ARHGAP24: variants seen among roughly 807,000 people sequenced by gnomAD.
The protein encoded by ARHGAP24 is Rho GTPase activating protein 24.
In ARHGAP24, 50 loss-of-function variants were observed where a neutral mutation model predicts 76.4. That is an observed-to-expected ratio of 0.65 (90% CI 0.52 to 0.83). The LOEUF is 0.83. ARHGAP24 is among the 40% of genes least tolerant of loss of function. The pLI is 0.00. For missense variants in ARHGAP24, 930 were observed against 914.2 expected (o/e 1.02, Z -0.22); for synonymous variants, 345 against 323.3 (o/e 1.07, Z -0.72).
At chr4:85,498,067 A>G (rs1268872927) in intron 1 of ARHGAP24, among the ~76,000 whole-genome samples, 1 of 152,200 alleles carries the variant, frequency 6.6e-6, no homozygotes, top group Non-Finnish European at 1.5e-5. Context: ...ATGCAAGTAA[A>G]ATAAATGCAC....
chr4:85,837,600 C>T (rs1431324089), intron 3 of ARHGAP24, among the ~76,000 whole-genome samples: 1 of 152,100 alleles, frequency 6.6e-6, no homozygotes, highest in Admixed American at 6.6e-5. Flanking sequence ...AGCAAGGGAA[C>T]AAATGCAGCT....
intron 1 of ARHGAP24, among the ~76,000 whole-genome samples, chr4:85,504,501 G>C (rs967699458): frequency 5.9e-5 from 9 of 152,056 alleles, no homozygotes; most frequent in Admixed American, 1.3e-4. Flanking sequence ...TTTGATCTTT[G>C]TTGGTTTAAA....
chr4:85,668,923 A>T (rs1197062941), intron 2 of ARHGAP24, among the ~76,000 whole-genome samples: 1 of 152,206 alleles, frequency 6.6e-6, no homozygotes, highest in Non-Finnish European at 1.5e-5. Flanking sequence ...TGGTGAAGTA[A>T]CTAAGACAGG....
intron 3 of ARHGAP24, among the ~76,000 whole-genome samples, chr4:85,882,248 T>G (rs1733299685): frequency 6.6e-6 from 1 of 152,166 alleles, no homozygotes; most frequent in Admixed American, 6.5e-5. Context: ...AACATTAAGT[T>G]TATTGATTCT....
chr4:85,507,922 A>C (rs962337249), intron 1 of ARHGAP24, among the ~76,000 whole-genome samples: 51 of 152,078 alleles, frequency 3.4e-4, no homozygotes, highest in Non-Finnish European at 7.4e-5. Context: ...AGCCATTCTT[A>C]TTAGAAAAGT....
chr4:85,623,958 A>C (rs1720821273), intron 2 of ARHGAP24, among the ~76,000 whole-genome samples: 1 of 152,070 alleles, frequency 6.6e-6, no homozygotes, highest in African/African-American at 2.4e-5. Flanking sequence ...ACTTTGCTGA[A>C]GTTGCTTATC....
At chr4:85,528,114 C>T (rs935500707) in intron 1 of ARHGAP24, among the ~76,000 whole-genome samples, 2 of 151,854 alleles carry the variant, frequency 1.3e-5, no homozygotes, top group African/African-American at 4.8e-5. Flanking sequence ...CCTGCGAGAG[C>T]TGAAGAATAG....
chr4:85,482,749 G>C lies in ARHGAP24; in HGVS notation c.-21+7190G>C, dbSNP rs1322615865. Among the ~76,000 whole-genome samples the C allele has an allele frequency of 2.6e-5, 4 of 152,166 alleles. No individual in the cohort carries two copies. The East Asian group carries it at 7.7e-4, about 29-fold the overall frequency. On this transcript the variant is annotated intron_variant, in intron 1 of 9. Coordinates refer to ENST00000395184, the MANE Select transcript of ARHGAP24 (RefSeq NM_001025616.3). ...TATGTGCTAGTTTGGCCCTGTGCTT[G>C]TCATAGGTTATCTCATTTAATCCTC...
chr4:85,741,380 A>C (rs1725821060), intron 3 of ARHGAP24, among the ~76,000 whole-genome samples: 1 of 152,272 alleles, frequency 6.6e-6, no homozygotes, highest in South Asian at 2.1e-4. Context: ...TTTAAAATAA[A>C]TAAATACATA....
Position 85,840,171 on chromosome 4 carries a change from G to A in ARHGAP24, c.269-83477G>A, listed in dbSNP as rs140361634. ...TGAGCCACCACGCCCAGCCTTAAGTGCCTTTTTTAAGAAACTCAATGGTCT... is the reference window on the plus strand; with the variant it reads ...TGAGCCACCACGCCCAGCCTTAAGTACCTTTTTTAAGAAACTCAATGGTCT... On this transcript the variant is annotated intron_variant, in intron 3 of 9. Transcript: ENST00000395184. Among the ~76,000 whole-genome samples the A allele has an allele frequency of 6.7e-4, 102 of 151,818 alleles. 1 individual carries two copies. Among genetic ancestry groups the A allele is most frequent in the African/African-American group, 2.4e-3 (100 of 41,424 alleles).
chr4:85,836,308 G>C lies in ARHGAP24; in HGVS notation c.269-87340G>C, dbSNP rs151174539. On this transcript the variant is annotated intron_variant, in intron 3 of 9. Coordinates refer to ENST00000395184, the MANE Select transcript of ARHGAP24 (RefSeq NM_001025616.3). ...ACTGCTGTAACAAAGTTTCACAAATGGGTGGTTTAAACAACAAAAATTTCC... is the reference window on the plus strand; with the variant it reads ...ACTGCTGTAACAAAGTTTCACAAATCGGTGGTTTAAACAACAAAAATTTCC... 1.2e-3 allele frequency among the ~76,000 whole-genome samples: 189 copies of C among 152,268 alleles called. 1 individual carries two copies. Among genetic ancestry groups the C allele is most frequent in the African/African-American group, 4.3e-3 (178 of 41,552 alleles).
At chr4:85,524,399 A>G (rs927357524) in intron 1 of ARHGAP24, among the ~76,000 whole-genome samples, 17 of 152,084 alleles carry the variant, frequency 1.1e-4, no homozygotes, top group Admixed American at 2.6e-4. Flanking sequence ...TCTACCATTT[A>G]ATGGTTAGGA....
chr4:85,747,758 C>T (rs1021120111), intron 3 of ARHGAP24, among the ~76,000 whole-genome samples: 2 of 152,008 alleles, frequency 1.3e-5, no homozygotes, highest in African/African-American at 4.8e-5. Context: ...AATATCTGCT[C>T]TTTACATTTA....
chr4:85,846,274 T>G (rs1730876610), intron 3 of ARHGAP24, among the ~76,000 whole-genome samples: 1 of 152,200 alleles, frequency 6.6e-6, no homozygotes, highest in South Asian at 2.1e-4. Context: ...CTTACATGTC[T>G]AAAAGCCACA....
intron 3 of ARHGAP24, among the ~76,000 whole-genome samples, chr4:85,839,843 CTTTTTTTTT>C (rs33974767): frequency 4.7e-5 from 5 of 105,628 alleles, no homozygotes; most frequent in Admixed American, 4.5e-4. Flanking sequence ...TTTCTGTTTT[CTTTTTTTTT>C]TTTTTTTTTT....
chr4:85,803,617 C>T (rs545132011), intron 3 of ARHGAP24, among the ~76,000 whole-genome samples: 23 of 152,268 alleles, frequency 1.5e-4, no homozygotes, highest in African/African-American at 5.3e-4. Context: ...TATTGAGATT[C>T]TTCTGTTTCT....
At chr4:85,486,151 A>T (rs1285401436) in intron 1 of ARHGAP24, among the ~76,000 whole-genome samples, 1 of 152,202 alleles carries the variant, frequency 6.6e-6, no homozygotes, top group Non-Finnish European at 1.5e-5. Flanking sequence ...GGATATCTAT[A>T]ACATGATAAA....
chr4:85,506,148 T>C (rs1340670434), intron 1 of ARHGAP24, among the ~76,000 whole-genome samples: 1 of 152,044 alleles, frequency 6.6e-6, no homozygotes, highest in African/African-American at 2.4e-5. Flanking sequence ...CTGTATGAGG[T>C]GTCTGTTGGC....
intron 3 of ARHGAP24, among the ~76,000 whole-genome samples, chr4:85,824,946 C>T (rs1729643054): frequency 6.6e-6 from 1 of 151,970 alleles, no homozygotes; most frequent in African/African-American, 2.4e-5. Flanking sequence ...AAAAATTAGC[C>T]AGGTGTGATG....
Sources: gnomAD v4.1 joint callset for allele counts (sites outside exome capture counted in the v4.1 genomes callset) on GRCh38, gnomAD v4.1.1 for gene constraint, MANE v1.5 for transcripts, NCBI Gene and HGNC (gene_info 2026-07-23, HGNC 2026-07-21) for gene names.